Variants in LMO3 observed in about 807,000 individuals in gnomAD.
LMO3 encodes the protein LIM domain only protein 3.
LMO3 carries 2 observed loss-of-function variants against 15.8 expected under a neutral mutation model. That is an observed-to-expected ratio of 0.13 (90% CI 0.05 to 0.40). LMO3 has a LOEUF of 0.40. Among genes scored for constraint, LMO3 ranks in the 10% least tolerant of loss-of-function variants. The pLI is 0.99. For synonymous variants in LMO3, 62 were observed against 63.8 expected (o/e 0.97, Z 0.13); for missense variants, 86 against 182.2 (o/e 0.47, Z 3.04).
At chr12:16,594,949 A>G (rs934267046) in intron 2 of LMO3, among the ~76,000 whole-genome samples, 4 of 151,574 alleles carry the variant, frequency 2.6e-5, no homozygotes, top group Admixed American at 2.0e-4. Context: ...AGAGCAACCA[A>G]AAATAGAAAT....
rs1014500130 is a variant in LMO3, at chr12:16,585,061, G to C, written c.206+15594C>G. ...CTGAAATATCTAGAAAAAATATCTG[G>C]TTTATCCAGAAAAATCAGCAACATT... On this transcript the variant is annotated intron_variant, in intron 2 of 3. Transcript: ENST00000537304. The surrounding 1 kb of genome is among the most constrained non-coding windows in gnomAD (Gnocchi z 4.7). Among the ~76,000 whole-genome samples the C allele has an allele frequency of 2.0e-5, 3 of 152,102 alleles. No homozygotes were observed. Among genetic ancestry groups the C allele is most frequent in the African/African-American group, 7.2e-5 (3 of 41,420 alleles).
At chr12:16,580,684 A>G (rs965719377) in intron 2 of LMO3, among the ~76,000 whole-genome samples, 27 of 152,200 alleles carry the variant, frequency 1.8e-4, no homozygotes, top group Non-Finnish European at 3.7e-4. Context: ...AAATACATAC[A>G]TGTGCATAAA....
rs543556011 is a variant in LMO3, at chr12:16,590,438, C to T, written c.206+10217G>A. 5.3e-5 allele frequency among the ~76,000 whole-genome samples: 8 copies of T among 152,000 alleles called. No individual in the cohort carries two copies. The South Asian group carries it at 1.7e-3, about 32-fold the overall frequency. On this transcript the variant is annotated intron_variant, in intron 2 of 3. Transcript: ENST00000537304. ...TAACTAGAGCAAATATATTATTTTA[C>T]ATGTTTTGTAACTATAAGATAATTA...
intron 2 of LMO3, among the ~76,000 whole-genome samples, chr12:16,570,693 C>T (rs960258606): frequency 6.6e-6 from 1 of 152,152 alleles, no homozygotes; most frequent in African/African-American, 2.4e-5. Flanking sequence ...TTGGTGTAAT[C>T]TGGACTGCAA....
intron 2 of LMO3, among the ~76,000 whole-genome samples, chr12:16,566,117 C>A (rs1344200433): frequency 6.9e-6 from 1 of 144,738 alleles, no homozygotes. Context: ...TGGAGGGCAT[C>A]ATGTTAAATG....
chr12:16,593,171 G>T lies in LMO3; in HGVS notation c.206+7484C>A, dbSNP rs1027648105. The stretch of plus-strand genomic sequence containing the variant: ...ATTTTCTCTTTTTATTAATAGCTTG[G>T]GTTTAATGTGGACGATGCTTCACTG... On this transcript the variant is annotated intron_variant, in intron 2 of 3. Transcript: ENST00000537304. This position sits in a 1 kb window ranked among gnomAD's most constrained non-coding sequence, Gnocchi z 4.2. Among the ~76,000 whole-genome samples, 4 of 151,474 alleles carry T rather than the reference G, an allele frequency of 2.6e-5. No individual in the cohort carries two copies. The highest frequency in any genetic ancestry group is 9.7e-5 in the African/African-American group (4 of 41,290).
At chr12:16,609,900 T>C (rs1944092026), upstream of LMO3, 1 of 151,310 alleles carries the variant, frequency 6.6e-6, no homozygotes, top group South Asian at 2.1e-4. Context: ...GATGCTCCGG[T>C]TAGGTTGCCG....
Position 16,560,351 on chromosome 12 carries a change from AAATAAATAGCCAGC to A in LMO3, c.332+48_332+61del. 1 of 1,526,388 alleles carries A rather than the reference AAATAAATAGCCAGC, an allele frequency of 6.6e-7. No individual in the cohort carries two copies. The allele number at this position is 1,526,388 out of a possible 1,614,324, so 94.6% of individuals were successfully genotyped here. A position where few individuals can be genotyped will look rare whatever the true frequency, so the allele number is the denominator to read the frequency against. On this transcript the variant is annotated intron_variant, in intron 3 of 3. Coordinates refer to ENST00000537304, the MANE Select transcript of LMO3 (RefSeq NM_018640.5). The surrounding 1 kb of genome is among the most constrained non-coding windows in gnomAD (Gnocchi z 5.0). ...TGTATGAATATAATTTCCACCTATT[AAATAAATAGCCAGC>A]ACAGAGAGGTTAACCATTTCTTAGA...
intron 2 of LMO3, among the ~76,000 whole-genome samples, chr12:16,595,001 C>T (rs1287992996): frequency 6.6e-6 from 1 of 151,338 alleles, no homozygotes; most frequent in Non-Finnish European, 1.5e-5. Context: ...GCAAAATAAG[C>T]AATTTTAGCA....
At position 16,604,978 on chromosome 12, in the gene LMO3, G is replaced by C. The variant is rs1943940102; in HGVS notation, c.-9+1088C>G. Reference sequence around the variant, plus strand: ...AGTAGAAGGGGGTCTCCTTGATTTCGCTTAAGTGTGGACCTGGTGCGCAGC... The same window carrying C: ...AGTAGAAGGGGGTCTCCTTGATTTCCCTTAAGTGTGGACCTGGTGCGCAGC... On this transcript the variant is annotated intron_variant, in intron 1 of 3. Coordinates refer to ENST00000537304, the MANE Select transcript of LMO3 (RefSeq NM_018640.5). The surrounding 1 kb of genome is among the most constrained non-coding windows in gnomAD (Gnocchi z 5.3). The C allele has an allele frequency of 6.3e-7, 1 of 1,597,120 alleles. No homozygotes were observed. Among genetic ancestry groups the C allele is most frequent in the African/African-American group, 1.3e-5 (1 of 74,844 alleles).
At position 16,591,028 on chromosome 12, in the gene LMO3, C is replaced by T. The variant is rs1050768693; in HGVS notation, c.206+9627G>A. Among the ~76,000 whole-genome samples the T allele has an allele frequency of 6.6e-6, 1 of 152,036 alleles. No homozygotes were observed. Among genetic ancestry groups the T allele is most frequent in the African/African-American group, 2.4e-5 (1 of 41,414 alleles). On this transcript the variant is annotated intron_variant, in intron 2 of 3. Transcript: ENST00000537304. This position sits in a 1 kb window ranked among gnomAD's most constrained non-coding sequence, Gnocchi z 4.1. ...ATAATCCCAAATGAAATTGATTTCA[C>T]AACTGCCTCACTGAATAAGCTTTAC...
upstream of LMO3, chr12:16,608,208 A>T (rs991758457): frequency 1.4e-5 from 2 of 143,094 alleles, no homozygotes; most frequent in African/African-American, 2.5e-5. This position sits in a 1 kb window ranked among gnomAD's most constrained non-coding sequence, Gnocchi z 4.1. Flanking sequence ...CAATGCACTG[A>T]GAAGAAGAAA....
At chr12:16,601,006 C>A (rs908564123) in intron 1 of LMO3, 138 bp from the exon 2 acceptor site, 9 of 645,766 alleles carry the variant, frequency 1.4e-5, no homozygotes, top group Non-Finnish European at 2.0e-5. Context: ...GAAATCAAAC[C>A]CAATTTTGGA....
Position 16,572,339 on chromosome 12 carries a change from C to CTTTT in LMO3, c.207-11805_207-11802dup, listed in dbSNP as rs59773866. Reference sequence around the variant, plus strand: ...TGTTTTCTGCATAGTGGTCCAAACTCTTTTTTTTTTTTTTTTTTTTTTGTA... The same window carrying CTTTT: ...TGTTTTCTGCATAGTGGTCCAAACTCTTTTTTTTTTTTTTTTTTTTTTTTTTGTA... On this transcript the variant is annotated intron_variant, in intron 2 of 3. Coordinates refer to ENST00000537304, the MANE Select transcript of LMO3 (RefSeq NM_018640.5). Among the ~76,000 whole-genome samples the CTTTT allele has an allele frequency of 3.5e-3, 316 of 89,534 alleles. 1 individual carries two copies. Among genetic ancestry groups the CTTTT allele is most frequent in the Non-Finnish European group, 4.1e-3 (196 of 48,176 alleles). 58.7% of individuals were successfully genotyped at this position (89,534 alleles called of 152,430 possible). A position where few individuals can be genotyped will look rare whatever the true frequency, so the allele number is the denominator to read the frequency against.
intron 2 of LMO3, among the ~76,000 whole-genome samples, chr12:16,568,678 C>A (rs181942658): frequency 6.6e-6 from 1 of 152,186 alleles, no homozygotes; most frequent in Non-Finnish European, 1.5e-5. Flanking sequence ...GCATTAAATA[C>A]GTTGTTTAAA....
rs948026437 is a variant in LMO3, at chr12:16,586,664, C to T, written c.206+13991G>A. On this transcript the variant is annotated intron_variant, in intron 2 of 3. Coordinates refer to ENST00000537304, the MANE Select transcript of LMO3 (RefSeq NM_018640.5). The surrounding 1 kb of genome is among the most constrained non-coding windows in gnomAD (Gnocchi z 4.3). ...CTAGGATGTGGCAATAAGGCTATAC[C>T]GTCGGGGTAGAGATTTCAAGATACA... 6.6e-5 allele frequency among the ~76,000 whole-genome samples: 10 copies of T among 152,228 alleles called. No homozygotes were observed. Among genetic ancestry groups the T allele is most frequent in the African/African-American group, 9.6e-5 (4 of 41,540 alleles).
chr12:16,554,679 T>A (rs1045688928), intron 3 of LMO3, among the ~76,000 whole-genome samples: 11 of 152,180 alleles, frequency 7.2e-5, no homozygotes, highest in Non-Finnish European at 1.6e-4. Flanking sequence ...ATGCTCTTAG[T>A]CAGAAAATAA....
At chr12:16,594,004 C>G in intron 2 of LMO3, 1 of 715,576 alleles carries the variant, frequency 1.4e-6, no homozygotes, top group Admixed American at 3.0e-5. Context: ...TTTAGGCATT[C>G]TGTAGTTTTA....
chr12:16,566,466 C>G (rs369401795), intron 2 of LMO3, among the ~76,000 whole-genome samples: 7 of 151,916 alleles, frequency 4.6e-5, no homozygotes, highest in African/African-American at 1.4e-4. Context: ...TTGAACTACC[C>G]TAATTAGATC....
Sources: allele counts gnomAD v4.1 joint callset (sites outside exome capture counted in the v4.1 genomes callset), GRCh38; gene constraint gnomAD v4.1.1; non-coding constraint Gnocchi (gnomAD v3.1); transcripts MANE v1.5; gene names NCBI Gene and HGNC (gene_info 2026-07-23, HGNC 2026-07-21).